TAFA1: variants seen among roughly 807,000 people sequenced by gnomAD.
The protein encoded by TAFA1 is chemokine-like protein TAFA-1.
A neutral mutation model predicts 18.5 loss-of-function variants in TAFA1; 4 were observed. The observed-to-expected ratio is 0.22, with a 90% CI of 0.11 to 0.49. TAFA1 has a LOEUF of 0.49. Among genes scored for constraint, TAFA1 ranks in the 20% least tolerant of loss-of-function variants. The probability of loss-of-function intolerance (pLI) is 0.98; values close to 1 mark genes in which losing one functional copy is unlikely to be tolerated. For missense variants in TAFA1, 147 were observed against 169.0 expected (o/e 0.87, Z 0.72); for synonymous variants, 56 against 55.2 (o/e 1.01, Z -0.06).
chr3:68,074,357 G>A (rs2064797972), intron 2 of TAFA1, among the ~76,000 whole-genome samples: 1 of 152,070 alleles, frequency 6.6e-6, no homozygotes, highest in African/African-American at 2.4e-5. Flanking sequence ...CGTGGTCTGG[G>A]GATTGGGAAC....
At chr3:68,440,382 C>T (rs1296415112) in intron 3 of TAFA1, among the ~76,000 whole-genome samples, 1 of 152,026 alleles carries the variant, frequency 6.6e-6, no homozygotes, top group Non-Finnish European at 1.5e-5. Flanking sequence ...TGGACTAATA[C>T]AGAAGTCAAT....
rs537501568 is a variant in TAFA1, at chr3:68,116,116, A to T, written c.118+109372A>T. 5.3e-4 allele frequency among the ~76,000 whole-genome samples: 80 copies of T among 152,192 alleles called. 1 individual carries two copies. The highest frequency in any genetic ancestry group is 3.8e-3 in the Admixed American group (58 of 15,292). On this transcript the variant is annotated intron_variant, in intron 2 of 4. Coordinates refer to ENST00000478136, the MANE Select transcript of TAFA1 (RefSeq NM_213609.4). Reference sequence around the variant, plus strand: ...CTAAAAATACAAAAATTAGCCTGGCATGGTGGCGGGCCCCTGTAGTCCCAG... The same window carrying T: ...CTAAAAATACAAAAATTAGCCTGGCTTGGTGGCGGGCCCCTGTAGTCCCAG...
intron 2 of TAFA1, among the ~76,000 whole-genome samples, chr3:68,297,426 A>G (rs114099074): frequency 3.0e-3 from 463 of 152,260 alleles, no homozygotes; most frequent in African/African-American, 0.01. Flanking sequence ...AAAATTTACA[A>G]CAAATTTGAT....
At chr3:68,480,790 C>T (rs1575908071) in intron 3 of TAFA1, among the ~76,000 whole-genome samples, 1 of 152,146 alleles carries the variant, frequency 6.6e-6, no homozygotes, top group Non-Finnish European at 1.5e-5. Context: ...TGTGTCCCCA[C>T]CCAAGTCTCA....
intron 3 of TAFA1, among the ~76,000 whole-genome samples, chr3:68,520,298 C>T (rs1223668080): frequency 1.3e-5 from 2 of 152,082 alleles, no homozygotes; most frequent in Non-Finnish European, 2.9e-5. Context: ...TTTCAGCCTG[C>T]CACAGGTAGG....
At chr3:68,492,085 A>G (rs1026518951) in intron 3 of TAFA1, among the ~76,000 whole-genome samples, 1 of 152,212 alleles carries the variant, frequency 6.6e-6, no homozygotes, top group Non-Finnish European at 1.5e-5. Context: ...ATCAGTACAT[A>G]AAAAATTAAA....
chr3:68,120,248 TCTTTCTTTCTTTCTTTTTTG>T (rs1362776589), intron 2 of TAFA1, among the ~76,000 whole-genome samples: 1 of 102,930 alleles, frequency 9.7e-6, no homozygotes, highest in East Asian at 2.5e-4. Flanking sequence ...TTTCTTTCTT[TCTTTCTTTCTTTCTTTTTTG>T]AGACAGAGTC....
At chr3:68,398,262 T>G (rs35789832) in intron 2 of TAFA1, among the ~76,000 whole-genome samples, 4,570 of 152,112 alleles carry the variant, frequency 0.03, 86 homozygotes, top group Middle Eastern at 0.048. Context: ...TCAGAAATAA[T>G]ACCATACATC....
At chr3:68,048,047 A>G (rs748129239) in intron 2 of TAFA1, among the ~76,000 whole-genome samples, 1 of 152,136 alleles carries the variant, frequency 6.6e-6, no homozygotes, top group African/African-American at 2.4e-5. Context: ...CCTAGACATC[A>G]TGGAATCATG....
chr3:68,528,945 C>T (rs2073147009), intron 3 of TAFA1, among the ~76,000 whole-genome samples: 1 of 152,046 alleles, frequency 6.6e-6, no homozygotes, highest in Non-Finnish European at 1.5e-5. Flanking sequence ...ACTGAATGCC[C>T]AGTACTCTGC....
At chr3:68,069,631 G>T (rs547765757) in intron 2 of TAFA1, among the ~76,000 whole-genome samples, 1 of 152,244 alleles carries the variant, frequency 6.6e-6, no homozygotes, top group Admixed American at 6.5e-5. Context: ...AAAGTTCACA[G>T]TCCAAAGTCT....
At chr3:68,135,460 G>A (rs1181721126) in intron 2 of TAFA1, among the ~76,000 whole-genome samples, 1 of 152,212 alleles carries the variant, frequency 6.6e-6, no homozygotes, top group African/African-American at 2.4e-5. Context: ...GGAAAAAGAA[G>A]CACACACTCT....
chr3:68,127,673 G>A (rs1309736992), intron 2 of TAFA1, among the ~76,000 whole-genome samples: 1 of 1,528 alleles, frequency 6.5e-4, no homozygotes, highest in Admixed American at 5.7e-3. Flanking sequence ...TGTGATGATG[G>A]TGGTGGTGGT....
chr3:68,245,682 G>A (rs1426541183), intron 2 of TAFA1, among the ~76,000 whole-genome samples: 2 of 152,196 alleles, frequency 1.3e-5, no homozygotes, highest in Non-Finnish European at 2.9e-5. Flanking sequence ...GCAAAAATCA[G>A]AAGATGAATT....
chr3:68,223,135 G>A (rs2066752852), intron 2 of TAFA1, among the ~76,000 whole-genome samples: 1 of 152,052 alleles, frequency 6.6e-6, no homozygotes, highest in African/African-American at 2.4e-5. Flanking sequence ...ATTCAGAGTG[G>A]GTGAACATCT....
At chr3:68,409,024 T>A (rs1318299198) in intron 2 of TAFA1, among the ~76,000 whole-genome samples, 1 of 152,160 alleles carries the variant, frequency 6.6e-6, no homozygotes, top group Non-Finnish European at 1.5e-5. Context: ...ATGCACACTA[T>A]AAATATTATT....
At chr3:68,360,468 A>T (rs1004720055) in intron 2 of TAFA1, among the ~76,000 whole-genome samples, 1 of 151,894 alleles carries the variant, frequency 6.6e-6, no homozygotes, top group Admixed American at 6.6e-5. Flanking sequence ...TCTTCACCCG[A>T]TATTTAGAGA....
chr3:68,223,907 C>T (rs1372707116), intron 2 of TAFA1, among the ~76,000 whole-genome samples: 2 of 151,562 alleles, frequency 1.3e-5, no homozygotes, highest in East Asian at 1.9e-4. Context: ...GCTATACAGC[C>T]ATGTTTATGT....
chr3:68,220,169 T>C (rs2066712178), intron 2 of TAFA1, among the ~76,000 whole-genome samples: 1 of 152,186 alleles, frequency 6.6e-6, no homozygotes, highest in South Asian at 2.1e-4. Flanking sequence ...TCTAAATTCA[T>C]TTGGTTCATT....
Sources: gnomAD v4.1 joint callset for allele counts (sites outside exome capture counted in the v4.1 genomes callset) on GRCh38, gnomAD v4.1.1 for gene constraint, MANE v1.5 for transcripts, NCBI Gene and HGNC (gene_info 2026-07-23, HGNC 2026-07-21) for gene names.